Variants in ADGRB3 observed in about 807,000 individuals in gnomAD.
The protein encoded by ADGRB3 is adhesion G protein-coupled receptor B3, also known as brain-specific angiogenesis inhibitor 3.
Under a neutral mutation model 193.4 loss-of-function variants are expected in ADGRB3, and 37 were observed. The observed-to-expected ratio is 0.19, with a 90% CI of 0.15 to 0.25. The LOEUF (loss-of-function observed/expected upper bound fraction) is 0.25. ADGRB3 is among the 10% of genes least tolerant of loss of function. The probability of loss-of-function intolerance (pLI) is 1.00; values close to 1 mark genes in which losing one functional copy is unlikely to be tolerated. For synonymous variants in ADGRB3, 690 were observed against 644.2 expected (o/e 1.07, Z -1.08); for missense variants, 1,637 against 1,852.9 (o/e 0.88, Z 2.14).
At chr6:69,335,571 C>A (rs1249912590) in intron 24 of ADGRB3, among the ~76,000 whole-genome samples, 1 of 152,010 alleles carries the variant, frequency 6.6e-6, no homozygotes, top group East Asian at 1.9e-4. Context: ...ATTTGTACTC[C>A]ATTCCAAAGT....
chr6:68,911,419 T>A (rs1003580933), intron 3 of ADGRB3, among the ~76,000 whole-genome samples: 1 of 148,728 alleles, frequency 6.7e-6, no homozygotes, highest in Non-Finnish European at 1.5e-5. Flanking sequence ...AAGTATAATT[T>A]AAAAAAAAAA....
At chr6:68,969,756 T>G (rs959184451) in intron 8 of ADGRB3, among the ~76,000 whole-genome samples, 3 of 152,182 alleles carry the variant, frequency 2.0e-5, no homozygotes, top group Non-Finnish European at 4.4e-5. Flanking sequence ...CCACCAATTT[T>G]TCTCATCTTT....
chr6:68,989,532 T>A lies in ADGRB3; in HGVS notation c.1735-4236T>A, dbSNP rs188520441. ...CATTTCGAGAAATTGGATCTTGAAT[T>A]TGGGAGAAGAGGAAACAGTCACTGA... On this transcript the variant is annotated intron_variant, in intron 10 of 31. Transcript: ENST00000370598. Among the ~76,000 whole-genome samples the A allele has an allele frequency of 4.4e-4, 67 of 152,212 alleles. 1 individual carries two copies. The highest frequency in any genetic ancestry group is 1.5e-3 in the African/African-American group (63 of 41,548).
rs78302877 is a variant in ADGRB3, at chr6:69,046,323, T to C, written c.2108-1862T>C. On this transcript the variant is annotated intron_variant, in intron 13 of 31. Coordinates refer to ENST00000370598, the MANE Select transcript of ADGRB3 (RefSeq NM_001704.3). ...GACATCAAAAGTTAGAGTTAAGGCATATAACAGTAGATACACGTGATTCTA... is the reference window on the plus strand; with the variant it reads ...GACATCAAAAGTTAGAGTTAAGGCACATAACAGTAGATACACGTGATTCTA... Among the ~76,000 whole-genome samples, 499 of 152,266 alleles carry C rather than the reference T, an allele frequency of 3.3e-3. 2 individuals carry two copies. The highest frequency in any genetic ancestry group is 0.012 in the African/African-American group (483 of 41,558).
intron 17 of ADGRB3, among the ~76,000 whole-genome samples, chr6:69,089,406 G>A (rs1321336715): frequency 2.0e-5 from 3 of 152,086 alleles, no homozygotes; most frequent in Non-Finnish European, 4.4e-5. Context: ...ATATTAAAGG[G>A]AAAATTTTTG....
intron 11 of ADGRB3, among the ~76,000 whole-genome samples, chr6:68,994,971 A>G (rs1562114598): frequency 6.6e-6 from 1 of 152,166 alleles, no homozygotes; most frequent in African/African-American, 2.4e-5. Context: ...AATAATACTG[A>G]CACCCTAATT....
chr6:69,020,944 A>G (rs1385890993), intron 13 of ADGRB3, among the ~76,000 whole-genome samples: 2 of 151,986 alleles, frequency 1.3e-5, no homozygotes, highest in Non-Finnish European at 2.9e-5. Context: ...TATATGTAAA[A>G]CATTATAATG....
chr6:69,361,348 T>G lies in ADGRB3; in HGVS notation c.4075T>G (p.Phe1359Val). ...FNMNPPVMDQ[F>V]NMNLEQHLAP... ...TATGAATCCCCCTGTAATGGACCAG[T>G]TCAATATGAACTTAGAGCAACATCT... The change falls in exon 29 of 32, where the codon TTC becomes GTC. Residue 1359 changes from phenylalanine (F) to valine (V), a missense_variant. Physicochemically the swap from Phe to Val is conservative, Grantham distance 50. Around this residue, in one of 7 missense-constraint regions of ADGRB3, gnomAD observed 368 missense variants for 367.4 expected, o/e 1.00. Transcript: ENST00000370598. 1 of 1,613,028 alleles carries G rather than the reference T, an allele frequency of 6.2e-7. No homozygotes were observed. Among genetic ancestry groups the G allele is most frequent in the Non-Finnish European group, 8.5e-7 (1 of 1,179,278 alleles).
chr6:69,196,842 G>A (rs893028368), intron 17 of ADGRB3, among the ~76,000 whole-genome samples: 4 of 152,060 alleles, frequency 2.6e-5, no homozygotes, highest in African/African-American at 7.2e-5. Context: ...TTATCACAAA[G>A]GGTGATTTGT....
At chr6:69,007,615 A>G (rs1769797153) in intron 11 of ADGRB3, among the ~76,000 whole-genome samples, 2 of 151,060 alleles carry the variant, frequency 1.3e-5, no homozygotes, top group African/African-American at 4.9e-5. Flanking sequence ...TCTCAGTTCA[A>G]ATGTGACCTT....
chr6:68,975,226 A>G lies in ADGRB3; in HGVS notation c.1628-8A>G, dbSNP rs758942109. ...ATAAAGCTTCTCTCTGTTCTTTGTG[A>G]CACACAGGCACCACTAGCAGACGCT... On this transcript the variant is annotated splice_polypyrimidine_tract_variant and splice_region_variant and intron_variant, in intron 9 of 31. Transcript: ENST00000370598. The G allele has an allele frequency of 3.9e-5, 63 of 1,611,026 alleles. No individual in the cohort carries two copies. The highest frequency in any genetic ancestry group is 4.9e-5 in the Non-Finnish European group (58 of 1,177,466).
intron 3 of ADGRB3, among the ~76,000 whole-genome samples, chr6:68,662,303 G>A (rs1768682832): frequency 6.6e-6 from 1 of 151,530 alleles, no homozygotes; most frequent in African/African-American, 2.4e-5. Context: ...TTGGAGAGGG[G>A]AGTCTAAGTT....
intron 17 of ADGRB3, chr6:69,232,344 C>T (rs1328074198): frequency 7.8e-7 from 1 of 1,285,740 alleles, no homozygotes; most frequent in East Asian, 2.7e-5. Context: ...CCATCCCCCC[C>T]ACCACGAACA....
At chr6:68,988,474 G>A (rs1056811667) in intron 10 of ADGRB3, among the ~76,000 whole-genome samples, 1 of 152,128 alleles carries the variant, frequency 6.6e-6, no homozygotes, top group East Asian at 1.9e-4. Flanking sequence ...GGTACTTGTA[G>A]TAGTCGTAAT....
chr6:69,225,930 G>A (rs1858396), intron 17 of ADGRB3, among the ~76,000 whole-genome samples: 33,422 of 151,942 alleles, frequency 0.22, 3,979 homozygotes, highest in Middle Eastern at 0.29. Flanking sequence ...TATTTTAACC[G>A]TTAATTATTA....
chr6:68,982,711 G>A (rs1768954375), intron 10 of ADGRB3, among the ~76,000 whole-genome samples: 1 of 152,048 alleles, frequency 6.6e-6, no homozygotes, highest in Non-Finnish European at 1.5e-5. Flanking sequence ...TTTTTACACA[G>A]GGCAGAAGCT....
chr6:69,011,276 T>C (rs927721436), intron 11 of ADGRB3, among the ~76,000 whole-genome samples: 3 of 151,756 alleles, frequency 2.0e-5, no homozygotes, highest in Admixed American at 2.0e-4. Context: ...ACATGTACGC[T>C]ATGGAATATT....
chr6:69,315,346 G>A (rs1322504395), intron 20 of ADGRB3, among the ~76,000 whole-genome samples: 1 of 151,444 alleles, frequency 6.6e-6, no homozygotes, highest in Non-Finnish European at 1.5e-5. Flanking sequence ...TAACGTTTAA[G>A]CAGAGTAGGT....
chr6:69,123,907 T>G (rs901145795), intron 17 of ADGRB3, among the ~76,000 whole-genome samples: 3 of 152,104 alleles, frequency 2.0e-5, no homozygotes, highest in African/African-American at 7.2e-5. Context: ...TTACTTGGAG[T>G]AAAGAACCAG....
Sources: allele counts gnomAD v4.1 joint callset (sites outside exome capture counted in the v4.1 genomes callset), GRCh38; gene constraint gnomAD v4.1.1; regional missense constraint gnomAD v4.1.1; transcripts MANE v1.5; gene names NCBI Gene and HGNC (gene_info 2026-07-23, HGNC 2026-07-21).